CNBD1: variants seen among roughly 807,000 people sequenced by gnomAD.
CNBD1 encodes cyclic nucleotide-binding domain-containing protein 1.
CNBD1 carries 71 observed loss-of-function variants against 54.4 expected under a neutral mutation model. That is an observed-to-expected ratio of 1.30 (90% CI 1.08 to 1.59). The LOEUF is 1.59. Ranked by LOEUF, CNBD1 falls within the 40% of genes most tolerant of loss-of-function variation. CNBD1 has a pLI of 0.00. For missense variants in CNBD1, 659 were observed against 518.0 expected, an observed-to-expected ratio of 1.27 and a Z score of -2.64; for synonymous variants, 182 against 170.7, an observed-to-expected ratio of 1.07 and a Z score of -0.51.
At chr8:87,028,108 G>T (rs1809696629) in intron 4 of CNBD1, among the ~76,000 whole-genome samples, 1 of 152,096 alleles carries the variant, frequency 6.6e-6, no homozygotes, top group Non-Finnish European at 1.5e-5. Flanking sequence ...AACAGCCAGG[G>T]TGCATTCCTC....
chr8:87,065,123 A>C (rs1325433952), intron 4 of CNBD1, among the ~76,000 whole-genome samples: 1 of 151,860 alleles, frequency 6.6e-6, no homozygotes, highest in East Asian at 1.9e-4. Flanking sequence ...CATCTCTTCC[A>C]TATGTTTCTT....
At chr8:86,949,053 T>A (rs1198308839) in intron 4 of CNBD1, among the ~76,000 whole-genome samples, 1 of 152,308 alleles carries the variant, frequency 6.6e-6, no homozygotes, top group Non-Finnish European at 1.5e-5. Context: ...AAAAATGAGC[T>A]CACTGTATAT....
At chr8:86,943,568 G>T (rs1432379363) in intron 4 of CNBD1, among the ~76,000 whole-genome samples, 1 of 151,926 alleles carries the variant, frequency 6.6e-6, no homozygotes, top group East Asian at 1.9e-4. Context: ...ATTGGGAGAG[G>T]CATTAAAATC....
At chr8:87,415,854 T>C (rs1807825954) in intron 2 of CNBD1, among the ~76,000 whole-genome samples, 1 of 151,972 alleles carries the variant, frequency 6.6e-6, no homozygotes, top group Non-Finnish European at 1.5e-5. Context: ...TAGAAGTATA[T>C]TACCTAAAGT....
chr8:86,901,766 G>T (rs1808937110), intron 2 of CNBD1, among the ~76,000 whole-genome samples: 1 of 152,070 alleles, frequency 6.6e-6, no homozygotes, highest in Admixed American at 6.6e-5. Flanking sequence ...AATCTTATGT[G>T]GAAGGATCTT....
chr8:87,418,275 A>G (rs549712117), intron 2 of CNBD1, among the ~76,000 whole-genome samples: 3 of 152,138 alleles, frequency 2.0e-5, no homozygotes, highest in African/African-American at 4.8e-5. Context: ...GAACACCAAG[A>G]CAATTTCAAC....
intron 4 of CNBD1, among the ~76,000 whole-genome samples, chr8:87,001,586 G>A (rs2130545525): frequency 6.6e-6 from 1 of 152,224 alleles, no homozygotes. Context: ...CTAAACTTCA[G>A]CTAATGAGCT....
At chr8:86,885,199 G>T (rs59410384) in intron 1 of CNBD1, among the ~76,000 whole-genome samples, 2,160 of 152,146 alleles carry the variant, frequency 0.014, 25 homozygotes, top group South Asian at 0.039. Context: ...TTTACTATAT[G>T]CACACATATG....
chr8:86,974,920 T>C (rs1808307618), intron 4 of CNBD1, among the ~76,000 whole-genome samples: 1 of 151,984 alleles, frequency 6.6e-6, no homozygotes, highest in Non-Finnish European at 1.5e-5. Context: ...TAAATAACCT[T>C]AAAATAAGTC....
intron 2 of CNBD1, among the ~76,000 whole-genome samples, chr8:87,421,345 A>T (rs1440597111): frequency 6.6e-6 from 1 of 151,460 alleles, no homozygotes; most frequent in Non-Finnish European, 1.5e-5. Context: ...ACATAGGTAT[A>T]CATGTGCCAT....
chr8:87,409,112 A>G (rs1807698286), intron 2 of CNBD1, among the ~76,000 whole-genome samples: 1 of 152,192 alleles, frequency 6.6e-6, no homozygotes, highest in Non-Finnish European at 1.5e-5. Flanking sequence ...TCGAAAGCTG[A>G]GAAAGGCTGA....
At chr8:86,879,152 A>C (rs568705401) in intron 1 of CNBD1, among the ~76,000 whole-genome samples, 7 of 152,096 alleles carry the variant, frequency 4.6e-5, no homozygotes, top group Non-Finnish European at 1.0e-4. Context: ...ATTGCATACA[A>C]CTGATTCTCA....
rs574538343 is a variant in CNBD1, at chr8:86,960,943, TAACA to T, written c.431+21194_431+21197del. ...GGGTCCTGACTGTTAGAAGGAAAAC[TAACA>T]AACAGAACAATTTTCAAAAGCCAAA... On this transcript the variant is annotated intron_variant, in intron 4 of 10. Transcript: ENST00000518476. Among the ~76,000 whole-genome samples, 23 of 152,320 alleles carry T rather than the reference TAACA, an allele frequency of 1.5e-4. No homozygotes were observed. The South Asian group carries it at 4.6e-3, about 30-fold the overall frequency.
intron 8 of CNBD1, among the ~76,000 whole-genome samples, chr8:87,328,806 C>G (rs1208166064): frequency 6.6e-6 from 1 of 152,016 alleles, no homozygotes; most frequent in African/African-American, 2.4e-5. Context: ...TTTCAGTGTG[C>G]AAGCCTTTCA....
intron 5 of CNBD1, among the ~76,000 whole-genome samples, chr8:87,227,064 C>T (rs898285095): frequency 4.0e-5 from 6 of 151,256 alleles, no homozygotes; most frequent in Non-Finnish European, 8.9e-5. Flanking sequence ...GATTGCAACC[C>T]CTGCCTTTTT....
rs748250735 is a variant in CNBD1 at position 87,353,740 on chromosome 8, C to CA, written c.1263dup (p.Glu422ArgfsTer3). On this transcript the variant is annotated frameshift_variant, in exon 10 of 11. Transcript: ENST00000518476. LOFTEE classifies it high-confidence loss of function. ...TTCCTTTCACGTGCACAATCATTAC[C>CA]AAAAAAGAAGTTGAGATGGCAATCA... The CA allele has an allele frequency of 2.5e-6, 4 of 1,609,434 alleles. No individual in the cohort carries two copies. The East Asian group carries it at 9.0e-5, about 36-fold the overall frequency.
intron 5 of CNBD1, among the ~76,000 whole-genome samples, chr8:87,214,257 A>G (rs1337564009): frequency 6.6e-6 from 1 of 152,174 alleles, no homozygotes; most frequent in Non-Finnish European, 1.5e-5. Flanking sequence ...CACCTCTTGA[A>G]TGCTTTGCTG....
rs564469906 is a variant in CNBD1 at position 87,187,190 on chromosome 8, A to G, written c.432-18803A>G. Among the ~76,000 whole-genome samples the G allele has an allele frequency of 3.3e-4, 41 of 125,590 alleles. No homozygotes were observed. In the East Asian group the frequency reaches 7.6e-3, roughly 23 times the overall value. The allele number at this position is 125,590 out of a possible 152,430, so 82.4% of individuals were successfully genotyped here. On this transcript the variant is annotated intron_variant, in intron 4 of 10. Coordinates refer to ENST00000518476, the MANE Select transcript of CNBD1 (RefSeq NM_173538.3). ...GATTTATATAGCTATATCTCAATAT[A>G]TATCTGCACATATCTATCTATATGC...
chr8:87,236,184 T>C (rs116361145), intron 5 of CNBD1, among the ~76,000 whole-genome samples: 2,231 of 152,268 alleles, frequency 0.015, 72 homozygotes, highest in African/African-American at 0.051. Context: ...TATGAAGTAA[T>C]GTAAATAAGA....
Sources: gnomAD v4.1 joint callset for allele counts (sites outside exome capture counted in the v4.1 genomes callset) on GRCh38, gnomAD v4.1.1 for gene constraint, MANE v1.5 for transcripts, NCBI Gene and HGNC (gene_info 2026-07-23, HGNC 2026-07-21) for gene names.